Variants in CORO1C observed in about 807,000 individuals in gnomAD.
CORO1C encodes the protein coronin-1C.
A neutral mutation model predicts 51.2 loss-of-function variants in CORO1C; 14 were observed. The ratio of observed to expected loss-of-function variants is 0.27; its 90% CI spans 0.18 to 0.43. The LOEUF is 0.43. Among genes scored for constraint, CORO1C ranks in the 20% least tolerant of loss-of-function variants. The pLI, the probability that CORO1C is intolerant of heterozygous loss-of-function variation, is 1.00. For synonymous variants in CORO1C, 181 were observed against 210.5 expected (o/e 0.86, Z 1.21); for missense variants, 417 against 607.8 (o/e 0.69, Z 3.30).
chr12:108,657,090 C>G (rs2033059559), intron 6 of CORO1C, among the ~76,000 whole-genome samples: 1 of 152,066 alleles, frequency 6.6e-6, no homozygotes, highest in Non-Finnish European at 1.5e-5. Flanking sequence ...AATATATAGT[C>G]AACAGCCTCT....
chr12:108,672,774 G>A (rs1379194469), intron 3 of CORO1C, among the ~76,000 whole-genome samples: 1 of 152,006 alleles, frequency 6.6e-6, no homozygotes, highest in African/African-American at 2.4e-5. Context: ...ATTCTTGCAG[G>A]ATTTCAAACT....
chr12:108,683,417 T>TC (rs1169603255), intron 2 of CORO1C, among the ~76,000 whole-genome samples: 2 of 101,790 alleles, frequency 2.0e-5, no homozygotes, highest in Non-Finnish European at 3.7e-5. Context: ...AGACTCTGTC[T>TC]CAAAAAAAAA....
chr12:108,661,880 G>A (rs930233930), intron 4 of CORO1C, 149 bp downstream of exon 4: 3 of 770,364 alleles, frequency 3.9e-6, no homozygotes, highest in South Asian at 1.7e-5. Flanking sequence ...TGGGCTGGGG[G>A]AGCAGTGCAC....
At chr12:108,661,909 G>A (rs1380973120) in intron 4 of CORO1C, 120 bp downstream of exon 4, 2 of 1,106,078 alleles carry the variant, frequency 1.8e-6, no homozygotes, top group African/African-American at 3.1e-5. Flanking sequence ...TCTTCACCAT[G>A]GTTTCCTAAT....
chr12:108,649,083 A>T, intron 8 of CORO1C, 63 bp from the exon 9 acceptor site: 1 of 1,567,664 alleles, frequency 6.4e-7, no homozygotes, highest in East Asian at 2.2e-5. Context: ...TAACAGGATG[A>T]ATAATTAGTT....
At chr12:108,657,984 G>A (rs191136849) in intron 5 of CORO1C, among the ~76,000 whole-genome samples, 1 of 152,310 alleles carries the variant, frequency 6.6e-6, no homozygotes, top group East Asian at 1.9e-4. Flanking sequence ...AAGAGATGCA[G>A]CCAAAGAACA....
chr12:108,688,336 CAT>C (rs2034373345), intron 2 of CORO1C, among the ~76,000 whole-genome samples: 1 of 152,160 alleles, frequency 6.6e-6, no homozygotes, highest in Non-Finnish European at 1.5e-5. Flanking sequence ...TGTACACAAA[CAT>C]GTACAGAAAA....
intron 2 of CORO1C, among the ~76,000 whole-genome samples, chr12:108,686,863 T>C (rs1250741029): frequency 1.3e-5 from 2 of 152,156 alleles, no homozygotes; most frequent in African/African-American, 2.4e-5. Flanking sequence ...CCAAGCAACA[T>C]GAGCCGAAAG....
At position 108,711,271 on chromosome 12, in the gene CORO1C, G is replaced by A. The variant is rs546053562; in HGVS notation, c.-5-9948C>T. Reference sequence around the variant, plus strand: ...TGCGGTCCCAGCTACTCGGGGAGCTGAGGTGGGAGGACTGCTTGAACCCAG... The same window carrying A: ...TGCGGTCCCAGCTACTCGGGGAGCTAAGGTGGGAGGACTGCTTGAACCCAG... On this transcript the variant is annotated intron_variant, in intron 1 of 10. Transcript: ENST00000261401. Among the ~76,000 whole-genome samples the A allele has an allele frequency of 1.1e-4, 17 of 152,240 alleles. No individual in the cohort carries two copies. In the South Asian group the frequency reaches 2.9e-3, roughly 26 times the overall value.
chr12:108,652,240 A>G (rs1413474162), intron 8 of CORO1C, 32 bp downstream of exon 8: 1 of 1,606,018 alleles, frequency 6.2e-7, no homozygotes, highest in South Asian at 1.1e-5. Flanking sequence ...AGTTACACCA[A>G]CCTAGAATAC....
intron 8 of CORO1C, among the ~76,000 whole-genome samples, chr12:108,650,925 TA>T (rs1047794407): frequency 9.4e-4 from 138 of 147,046 alleles, no homozygotes; most frequent in Non-Finnish European, 1.2e-3. Flanking sequence ...TTATTCCAAC[TA>T]AAAAAAAAAA....
chr12:108,686,376 A>G (rs985224504), intron 2 of CORO1C, among the ~76,000 whole-genome samples: 4 of 152,246 alleles, frequency 2.6e-5, no homozygotes, highest in African/African-American at 4.8e-5. Context: ...CAGCTTTTAG[A>G]TATCTTTTTA....
intron 1 of CORO1C, among the ~76,000 whole-genome samples, chr12:108,724,591 C>T (rs1179957271): frequency 6.6e-6 from 1 of 152,158 alleles, no homozygotes; most frequent in Non-Finnish European, 1.5e-5. Flanking sequence ...ACAAGGCAGT[C>T]AAGAATGAGG....
At chr12:108,675,653 C>T (rs1192443983) in intron 3 of CORO1C, among the ~76,000 whole-genome samples, 2 of 152,154 alleles carry the variant, frequency 1.3e-5, no homozygotes, top group African/African-American at 4.8e-5. Context: ...AGGACATTAT[C>T]TTATAAAATT....
chr12:108,648,363 G>A (rs955608622), intron 10 of CORO1C, among the ~76,000 whole-genome samples: 3 of 152,150 alleles, frequency 2.0e-5, no homozygotes, highest in Middle Eastern at 6.8e-3. Flanking sequence ...CAATCATGGT[G>A]GTCTGTGGCC....
chr12:108,709,639 C>T (rs2136874464), intron 1 of CORO1C, among the ~76,000 whole-genome samples: 1 of 152,132 alleles, frequency 6.6e-6, no homozygotes, highest in Middle Eastern at 3.4e-3. Flanking sequence ...TATATTGTCC[C>T]AAACTGATCA....
intron 1 of CORO1C, among the ~76,000 whole-genome samples, chr12:108,702,591 G>C (rs1016708602): frequency 4.6e-5 from 7 of 152,184 alleles, no homozygotes; most frequent in Non-Finnish European, 8.8e-5. Flanking sequence ...AAAAATCTAA[G>C]TGGAAATGGA....
At chr12:108,680,783 C>T (rs1216532358) in intron 2 of CORO1C, among the ~76,000 whole-genome samples, 1 of 152,148 alleles carries the variant, frequency 6.6e-6, no homozygotes, top group African/African-American at 2.4e-5. Flanking sequence ...AAAGAACGAC[C>T]AGCTACTAGG....
intron 8 of CORO1C, among the ~76,000 whole-genome samples, chr12:108,650,711 T>C (rs2032609207): frequency 6.6e-6 from 1 of 152,258 alleles, no homozygotes. Context: ...AGTCCTGGCA[T>C]ACAATAAATG....
Sources: gnomAD v4.1 joint callset for allele counts (sites outside exome capture counted in the v4.1 genomes callset) on GRCh38, gnomAD v4.1.1 for gene constraint, MANE v1.5 for transcripts, NCBI Gene and HGNC (gene_info 2026-07-23, HGNC 2026-07-21) for gene names.